SPMIP9: variants seen among roughly 807,000 people sequenced by gnomAD.
The protein encoded by SPMIP9 is protein SPMIP9.
chr2:88,529,295 G>A, the SPMIP9 span: 3 of 1,614,188 alleles, frequency 1.9e-6, no homozygotes, highest in Admixed American at 1.7e-5. Context: ...GGCCCAGGGT[G>A]ACCCCAACCA....
chr2:88,526,902 G>A, the SPMIP9 span, among the ~76,000 whole-genome samples: 1 of 152,008 alleles, frequency 6.6e-6, no homozygotes, highest in Non-Finnish European at 1.5e-5. Context: ...TCCTGACCTC[G>A]TGATCCACCT....
At chr2:88,526,440 C>G in the SPMIP9 span, 1 of 1,614,144 alleles carries the variant, frequency 6.2e-7, no homozygotes, top group Non-Finnish European at 8.5e-7. Context: ...AAAGCTCCCA[C>G]ATGGTCGACT....
the SPMIP9 span, chr2:88,529,526 A>G: frequency 2.8e-5 from 42 of 1,491,118 alleles, no homozygotes; most frequent in African/African-American, 1.8e-4. Flanking sequence ...TGGAAATCCT[A>G]TGACCTTGGA....
the SPMIP9 span, chr2:88,525,627 G>A: frequency 1.9e-6 from 3 of 1,614,136 alleles, no homozygotes; most frequent in Non-Finnish European, 2.5e-6. Context: ...CAACTTGTCT[G>A]TGTCTAGGTC....
chr2:88,527,691 T>G, the SPMIP9 span, among the ~76,000 whole-genome samples: 2 of 152,228 alleles, frequency 1.3e-5, no homozygotes, highest in African/African-American at 4.8e-5. Flanking sequence ...GGTGGACATT[T>G]GGGTGCTTTA....
At chr2:88,528,990 GA>G in the SPMIP9 span, 1 of 1,532,842 alleles carries the variant, frequency 6.5e-7, no homozygotes. Flanking sequence ...ATGCTTCCAA[GA>G]AAAGCTACAT....
At chr2:88,526,179 G>C in the SPMIP9 span, among the ~76,000 whole-genome samples, 1 of 152,126 alleles carries the variant, frequency 6.6e-6, no homozygotes, top group Non-Finnish European at 1.5e-5. Context: ...CAGGAGATAG[G>C]AAAGAGCACA....
chr2:88,529,339 G>T, the SPMIP9 span: 2 of 1,614,034 alleles, frequency 1.2e-6, no homozygotes, highest in Non-Finnish European at 1.7e-6. Flanking sequence ...CGTGCCTCGT[G>T]GATCCCAAAC....
the SPMIP9 span, chr2:88,529,386 T>C: frequency 1.2e-6 from 2 of 1,614,134 alleles, no homozygotes; most frequent in East Asian, 2.2e-5. Flanking sequence ...GGCTACCTGC[T>C]ACTGCCAGGG....
the SPMIP9 span, chr2:88,529,082 A>T: frequency 6.2e-7 from 1 of 1,613,694 alleles, no homozygotes. Context: ...ACTCCGGGAC[A>T]AAGAGTTTTA....
the SPMIP9 span, chr2:88,529,137 C>T: frequency 6.7e-5 from 108 of 1,614,054 alleles, no homozygotes; most frequent in Admixed American, 4.7e-4. Context: ...GATGGGTACC[C>T]TGCTTTCAAA....
the SPMIP9 span, among the ~76,000 whole-genome samples, chr2:88,528,178 C>T: frequency 2.0e-5 from 3 of 148,834 alleles, no homozygotes; most frequent in East Asian, 2.0e-4. Flanking sequence ...GGCTCTGTTG[C>T]CCAGGCTGCA....
the SPMIP9 span, among the ~76,000 whole-genome samples, chr2:88,528,209 C>T: frequency 6.7e-6 from 1 of 149,276 alleles, no homozygotes; most frequent in Non-Finnish European, 1.5e-5. Flanking sequence ...TTGATCTTGG[C>T]TCACTGCAAC....
At chr2:88,529,312 C>T in the SPMIP9 span, 16 of 1,614,190 alleles carry the variant, frequency 9.9e-6, no homozygotes, top group Non-Finnish European at 1.3e-5. Flanking sequence ...ACCAGGTCCT[C>T]CAGAGTGCTG....
the SPMIP9 span, among the ~76,000 whole-genome samples, chr2:88,528,138 CTTTTT>C: frequency 7.4e-6 from 1 of 135,524 alleles, no homozygotes. Flanking sequence ...AGCATTTTCC[CTTTTT>C]TTTTTTTTTT....
the SPMIP9 span, among the ~76,000 whole-genome samples, chr2:88,527,517 T>G: frequency 3.9e-5 from 6 of 152,364 alleles, no homozygotes; most frequent in East Asian, 1.2e-3. Flanking sequence ...TCTTTGGTTT[T>G]GCCTTTTTGA....
At chr2:88,527,532 T>C in the SPMIP9 span, among the ~76,000 whole-genome samples, 2 of 152,218 alleles carry the variant, frequency 1.3e-5, no homozygotes, top group Admixed American at 1.3e-4. Flanking sequence ...TTTTGAACTT[T>C]ATTACATATT....
the SPMIP9 span, chr2:88,529,242 G>T: frequency 6.2e-7 from 1 of 1,614,144 alleles, no homozygotes; most frequent in East Asian, 2.2e-5. Context: ...AAGTTCACCA[G>T]CACCTGCCAT....
chr2:88,525,518 T>G, the SPMIP9 span: 3 of 1,005,820 alleles, frequency 3.0e-6, no homozygotes, highest in Non-Finnish European at 4.8e-6. Context: ...CCAGGGAAGA[T>G]GGGGAGGAGT....
Sources: gnomAD v4.1 joint callset for allele counts (sites outside exome capture counted in the v4.1 genomes callset) on GRCh38, gnomAD v4.1.1 for gene constraint, MANE v1.5 for transcripts, NCBI Gene and HGNC (gene_info 2026-07-23, HGNC 2026-07-21) for gene names.